Variants in LY96 observed in about 807,000 individuals in gnomAD.
LY96 encodes lymphocyte antigen 96, also known as myeloid differentiation protein-2.
LY96 carries 18 observed loss-of-function variants against 18.9 expected under a neutral mutation model. The ratio of observed to expected loss-of-function variants is 0.95; its 90% CI spans 0.66 to 1.41. The LOEUF is 1.41. Among genes scored for constraint, LY96 ranks in the 40% most tolerant of loss-of-function variants. The pLI is 0.00. For missense variants in LY96, 175 were observed against 182.4 expected (o/e 0.96, Z 0.23); for synonymous variants, 66 against 62.6 (o/e 1.06, Z -0.26).
intron 2 of LY96, among the ~76,000 whole-genome samples, chr8:74,007,012 T>A (rs1426495270): frequency 1.3e-5 from 2 of 152,204 alleles, no homozygotes; most frequent in Admixed American, 6.5e-5. Context: ...GCAGGTCTGA[T>A]ACCTTTGAAA....
At chr8:74,026,309 C>T (rs1456608646) in intron 3 of LY96, among the ~76,000 whole-genome samples, 1 of 152,134 alleles carries the variant, frequency 6.6e-6, no homozygotes, top group Non-Finnish European at 1.5e-5. Context: ...TGGGGCCAGG[C>T]CCGTGGCTAT....
chr8:74,046,538 GT>G, the LY96 span, among the ~76,000 whole-genome samples: 1 of 152,058 alleles, frequency 6.6e-6, no homozygotes, highest in African/African-American at 2.4e-5. Flanking sequence ...ACTCTTCTGT[GT>G]TTTTTCAAAA....
chr8:74,054,731 A>G, the LY96 span, among the ~76,000 whole-genome samples: 7 of 147,852 alleles, frequency 4.7e-5, no homozygotes, highest in Non-Finnish European at 1.0e-4. Context: ...TGACGTGATC[A>G]TGGCTCACCA....
chr8:74,048,435 T>A, the LY96 span, among the ~76,000 whole-genome samples: 8 of 152,258 alleles, frequency 5.3e-5, no homozygotes, highest in African/African-American at 1.2e-4. Context: ...GTAATTTTTT[T>A]AAATCCGGGT....
At chr8:74,017,773 A>C (rs971780595) in intron 3 of LY96, among the ~76,000 whole-genome samples, 3 of 152,210 alleles carry the variant, frequency 2.0e-5, no homozygotes, top group African/African-American at 4.8e-5. Context: ...AAGAATTTTC[A>C]ACCCAGAATT....
the LY96 span, among the ~76,000 whole-genome samples, chr8:74,074,477 AATTTT>A: frequency 6.6e-6 from 1 of 151,302 alleles, no homozygotes; most frequent in Non-Finnish European, 1.5e-5. Flanking sequence ...TTTTCATTTC[AATTTT>A]ATTTATTTAT....
At chr8:74,064,678 C>T in the LY96 span, among the ~76,000 whole-genome samples, 2 of 152,106 alleles carry the variant, frequency 1.3e-5, no homozygotes, top group Non-Finnish European at 2.9e-5. Context: ...ATACAGCCTG[C>T]AGAACTGGGA....
the LY96 span, among the ~76,000 whole-genome samples, chr8:74,083,844 C>G: frequency 3.3e-5 from 5 of 151,834 alleles, no homozygotes; most frequent in African/African-American, 1.2e-4. Context: ...GGCATGTGCC[C>G]CCATGCCTGG....
the LY96 span, among the ~76,000 whole-genome samples, chr8:74,079,029 T>G: frequency 6.6e-6 from 1 of 152,184 alleles, no homozygotes; most frequent in Admixed American, 6.5e-5. Context: ...GGTGTGTCTG[T>G]GAAGATGTTT....
At chr8:74,080,153 G>T in the LY96 span, among the ~76,000 whole-genome samples, 1 of 152,188 alleles carries the variant, frequency 6.6e-6, no homozygotes, top group African/African-American at 2.4e-5. Context: ...GTGAAAACAA[G>T]ACCCCTGGAA....
At chr8:74,026,570 C>T (rs1203399873) in intron 3 of LY96, among the ~76,000 whole-genome samples, 1 of 152,070 alleles carries the variant, frequency 6.6e-6, no homozygotes, top group Admixed American at 6.6e-5. Context: ...GTTTGTGTCC[C>T]CTAAGGGATA....
intron 3 of LY96, among the ~76,000 whole-genome samples, chr8:74,023,792 C>T (rs900665589): frequency 6.6e-6 from 1 of 152,094 alleles, no homozygotes; most frequent in East Asian, 1.9e-4. Flanking sequence ...AAGTTAAATG[C>T]TTTAATATTT....
intron 3 of LY96, among the ~76,000 whole-genome samples, chr8:74,023,528 C>A (rs1030072223): frequency 6.6e-6 from 1 of 152,178 alleles, no homozygotes; most frequent in Non-Finnish European, 1.5e-5. Context: ...AAGGAGGACG[C>A]TGACAGGCAA....
At chr8:74,008,827 C>A (rs919210051) in intron 2 of LY96, among the ~76,000 whole-genome samples, 4 of 152,144 alleles carry the variant, frequency 2.6e-5, no homozygotes, top group African/African-American at 9.6e-5. Flanking sequence ...CTAAGGAGAA[C>A]TGAGGATAGA....
downstream of LY96, chr8:74,029,188 A>G: frequency 1.6e-6 from 1 of 621,516 alleles, no homozygotes; most frequent in South Asian, 1.9e-5. Flanking sequence ...GCTTATCCTC[A>G]CAGATCTCTA....
At chr8:74,056,273 G>T in the LY96 span, 1 of 254,904 alleles carries the variant, frequency 3.9e-6, no homozygotes, top group Non-Finnish European at 7.5e-6. Context: ...GTGGTTATTT[G>T]CTTCATTTGT....
chr8:74,032,758 A>G (rs1320460356), downstream of LY96, among the ~76,000 whole-genome samples: 1 of 152,238 alleles, frequency 6.6e-6, no homozygotes, highest in Non-Finnish European at 1.5e-5. Context: ...TAAATGCTAC[A>G]GAATGAAAGA....
At chr8:74,042,351 T>C in the LY96 span, among the ~76,000 whole-genome samples, 3 of 152,030 alleles carry the variant, frequency 2.0e-5, no homozygotes, top group African/African-American at 4.8e-5. Context: ...TGAAACCCCA[T>C]CTCTCTAAAA....
At chr8:74,040,728 A>C in the LY96 span, among the ~76,000 whole-genome samples, 1 of 123,688 alleles carries the variant, frequency 8.1e-6, no homozygotes. Context: ...TTTGAGATGC[A>C]ATCTCACTCT....
Sources: gnomAD v4.1 joint callset for allele counts (sites outside exome capture counted in the v4.1 genomes callset) on GRCh38, gnomAD v4.1.1 for gene constraint, MANE v1.5 for transcripts, NCBI Gene and HGNC (gene_info 2026-07-23, HGNC 2026-07-21) for gene names.